The following AMZ1 variants were observed in gnomAD, a reference collection of about 807,000 sequenced individuals.
AMZ1 encodes archaelysin family metallopeptidase 1, also known as archaemetzincin-1.
AMZ1 carries 39 observed loss-of-function variants against 29.9 expected under a neutral mutation model. The ratio of observed to expected loss-of-function variants is 1.30; its 90% CI spans 1.01 to 1.70. The LOEUF is 1.70. AMZ1 is among the 40% of genes most tolerant of loss of function. AMZ1 has a pLI of 0.00. For synonymous variants in AMZ1, 458 were observed against 304.0 expected, an observed-to-expected ratio of 1.51 and a Z score of -5.27; for missense variants, 1,041 against 680.6, an observed-to-expected ratio of 1.53 and a Z score of -5.89.
At chr7:2,763,172 G>T, upstream of AMZ1, 1 of 968,486 alleles carries the variant, frequency 1.0e-6, no homozygotes, top group Non-Finnish European at 1.3e-6. Flanking sequence ...GAGGTTAGCA[G>T]GACTTCACAA....
chr7:2,701,052 C>A (rs1016549556), intron 2 of AMZ1, among the ~76,000 whole-genome samples: 8 of 152,312 alleles, frequency 5.3e-5, no homozygotes, highest in African/African-American at 1.7e-4. Context: ...AGAGCCATCC[C>A]AGGCACTGTG....
downstream of AMZ1, among the ~76,000 whole-genome samples, chr7:2,720,430 C>CA (rs1789370477): frequency 6.6e-6 from 1 of 152,060 alleles, no homozygotes; most frequent in Non-Finnish European, 1.5e-5. Context: ...TTTATTGAGA[C>CA]AGAGTCTGTG....
At chr7:2,747,216 A>G (rs1255855660) in intron 4 of AMZ1, among the ~76,000 whole-genome samples, 3 of 152,342 alleles carry the variant, frequency 2.0e-5, no homozygotes, top group East Asian at 1.9e-4. Context: ...AGACACAACC[A>G]AAAAAGAGAA....
chr7:2,753,151 C>A (rs117143565), intron 4 of AMZ1, among the ~76,000 whole-genome samples: 2 of 148,324 alleles, frequency 1.3e-5, no homozygotes, highest in African/African-American at 5.0e-5. Context: ...ATACAGCATG[C>A]GGCTTTTTTT....
chr7:2,682,864 C>T (rs1457050395), intron 1 of AMZ1, among the ~76,000 whole-genome samples: 3 of 152,198 alleles, frequency 2.0e-5, no homozygotes, highest in African/African-American at 4.8e-5. Flanking sequence ...GGCCTGTGCT[C>T]GCACGGTTCC....
At chr7:2,723,765 A>G (rs557637502), downstream of AMZ1, among the ~76,000 whole-genome samples, 16 of 151,556 alleles carry the variant, frequency 1.1e-4, no homozygotes, top group African/African-American at 3.9e-4. Context: ...CCCTGTTCTC[A>G]GAGACTCCCT....
In AMZ1 at chr7:2,715,842, C is replaced by G. The variant is rs1789090859; in HGVS notation, c.*2964C>G. 1 of 152,222 alleles carries G rather than the reference C, an allele frequency of 6.6e-6. No individual in the cohort carries two copies. Among genetic ancestry groups the G allele is most frequent in the Non-Finnish European group, 1.5e-5 (1 of 68,048 alleles). The allele number at this position is 152,222 out of a possible 1,614,324, so 9.4% of individuals were successfully genotyped here. ...GTCACAGCTCACGAATCTTTCTAAA[C>G]TTAAGTGCTGCAGAAGTTGAACTGA... On this transcript the variant is annotated 3_prime_UTR_variant, in exon 7 of 7. Transcript: ENST00000683327.
intron 4 of AMZ1, among the ~76,000 whole-genome samples, chr7:2,758,795 C>A (rs1223855904): frequency 6.6e-6 from 1 of 152,184 alleles, no homozygotes; most frequent in African/African-American, 2.4e-5. Flanking sequence ...GTTTACTCAT[C>A]TAATAGAACA....
intron 6 of AMZ1, among the ~76,000 whole-genome samples, chr7:2,711,807 G>T (rs1196696510): frequency 6.6e-6 from 1 of 152,196 alleles, no homozygotes; most frequent in Admixed American, 6.5e-5. Context: ...ACTTTGGGAG[G>T]CGGAGGTGGG....
At chr7:2,710,050 C>T (rs371040660) in intron 6 of AMZ1, among the ~76,000 whole-genome samples, 1 of 152,204 alleles carries the variant, frequency 6.6e-6, no homozygotes, top group Non-Finnish European at 1.5e-5. Flanking sequence ...TGGGAGGTTG[C>T]AGCGGGGTCG....
At position 2,694,349 on chromosome 7, in the gene AMZ1, C is replaced by A. The variant is rs1445081426; in HGVS notation, c.-218-5885C>A. Reference sequence around the variant, plus strand: ...CTGCCCTGGTTCTCAGGCCTTCGGACATGAGCTGAGTTTGAATCACGCCTT... The same window carrying A: ...CTGCCCTGGTTCTCAGGCCTTCGGAAATGAGCTGAGTTTGAATCACGCCTT... On this transcript the variant is annotated intron_variant, in intron 1 of 6. Transcript: ENST00000683327. Among the ~76,000 whole-genome samples, 3 of 152,236 alleles carry A rather than the reference C, an allele frequency of 2.0e-5. No individual in the cohort carries two copies. In the South Asian group the frequency reaches 6.2e-4, roughly 31 times the overall value.
intron 4 of AMZ1, among the ~76,000 whole-genome samples, chr7:2,739,041 C>G (rs1790363405): frequency 6.6e-6 from 1 of 152,192 alleles, no homozygotes; most frequent in Non-Finnish European, 1.5e-5. Flanking sequence ...GTGGAGCAGC[C>G]TCTACAACTG....
At chr7:2,707,723 C>G (rs80251315) in intron 3 of AMZ1, among the ~76,000 whole-genome samples, 8 of 152,034 alleles carry the variant, frequency 5.3e-5, no homozygotes, top group African/African-American at 7.2e-5. Context: ...TAGAGGCACC[C>G]GTATCCTTGG....
At chr7:2,706,683 A>G (rs1788372359) in intron 3 of AMZ1, among the ~76,000 whole-genome samples, 1 of 152,224 alleles carries the variant, frequency 6.6e-6, no homozygotes, top group South Asian at 2.1e-4. Flanking sequence ...CTAAGACTCC[A>G]GTCACTGGGT....
intron 4 of AMZ1, among the ~76,000 whole-genome samples, chr7:2,734,316 A>G (rs2115293995): frequency 6.6e-6 from 1 of 152,330 alleles, no homozygotes; most frequent in South Asian, 2.1e-4. Flanking sequence ...AGCGTATTAA[A>G]AACCAATTAT....
rs979119742 is a variant in AMZ1, at chr7:2,717,683, C to A, written c.*4805C>A. ...ACTGTAAAGAGCCCTGGCCTGCGAA[C>A]GCTGTTAAAAACAGATGCAGATCGC... On this transcript the variant is annotated 3_prime_UTR_variant, in exon 7 of 7. Transcript: ENST00000683327. Among the ~76,000 whole-genome samples the A allele has an allele frequency of 2.0e-5, 3 of 152,146 alleles. No individual in the cohort carries two copies. The highest frequency in any genetic ancestry group is 7.2e-5 in the African/African-American group (3 of 41,404).
chr7:2,729,109 G>T (rs1789754569), intron 4 of AMZ1: 1 of 152,400 alleles, frequency 6.6e-6, no homozygotes, highest in Non-Finnish European at 1.5e-5. Flanking sequence ...CCCCTGCTAC[G>T]CGAATCACAG....
chr7:2,692,742 C>A (rs1467396319), intron 1 of AMZ1, among the ~76,000 whole-genome samples: 2 of 152,272 alleles, frequency 1.3e-5, no homozygotes, highest in African/African-American at 4.8e-5. Context: ...AGTACCCCAC[C>A]CCTTGGCCAC....
In AMZ1 at chr7:2,709,726, C is replaced by T. The variant is rs369227918; in HGVS notation, c.858C>T (p.Asp286=). 1.3e-4 allele frequency: 206 copies of T among 1,611,350 alleles called. No individual in the cohort carries two copies. The highest frequency in any genetic ancestry group is 1.5e-4 in the Non-Finnish European group (177 of 1,179,858). ...TCATGCAGGGTGCGCTCAGCCTGGA[C>T]GAGGCCCTGCGGCGGCCCCTGGACC... ...RCLMQGALSL[D]EALRRPLDLC... The change falls in exon 6 of 7, where the codon GAC becomes GAT. Residue 286 remains aspartate, a synonymous_variant. Transcript: ENST00000683327.
Sources: gnomAD v4.1 joint callset for allele counts (sites outside exome capture counted in the v4.1 genomes callset) on GRCh38, gnomAD v4.1.1 for gene constraint, MANE v1.5 for transcripts, NCBI Gene and HGNC (gene_info 2026-07-23, HGNC 2026-07-21) for gene names.